The following DNAJC13 variants were observed in gnomAD, a reference collection of about 807,000 sequenced individuals.
DNAJC13 encodes DnaJ heat shock protein family (Hsp40) member C13.
In DNAJC13, 75 loss-of-function variants were observed where a neutral mutation model predicts 290.5. The observed-to-expected ratio is 0.26, with a 90% CI of 0.21 to 0.31. The LOEUF (loss-of-function observed/expected upper bound fraction) is 0.31. Among genes scored for constraint, DNAJC13 ranks in the 10% least tolerant of loss-of-function variants. The probability of loss-of-function intolerance (pLI) is 1.00; values close to 1 mark genes in which losing one functional copy is unlikely to be tolerated. For missense variants in DNAJC13, 2,260 were observed against 2,674.5 expected, an observed-to-expected ratio of 0.85 and a Z score of 3.42; for synonymous variants, 862 against 892.0, an observed-to-expected ratio of 0.97 and a Z score of 0.60.
At chr3:132,449,127 C>T (rs946371771) in intron 5 of DNAJC13, among the ~76,000 whole-genome samples, 4 of 152,144 alleles carry the variant, frequency 2.6e-5, no homozygotes, top group Admixed American at 2.6e-4. Context: ...CTCAAAGTGA[C>T]ACCTGTATTG....
chr3:132,491,176 T>C, intron 32 of DNAJC13, 125 bp downstream of exon 32: 1 of 828,260 alleles, frequency 1.2e-6, no homozygotes, highest in Non-Finnish European at 1.8e-6. Flanking sequence ...ACAGTAATCA[T>C]TGATGCCAAA....
intron 21 of DNAJC13, among the ~76,000 whole-genome samples, chr3:132,474,014 T>C (rs1461321706): frequency 6.6e-6 from 1 of 152,166 alleles, no homozygotes; most frequent in Non-Finnish European, 1.5e-5. Context: ...CCAGTTAGAC[T>C]TGTGCCCAAA....
At chr3:132,525,876 A>G (rs1936239337) in intron 52 of DNAJC13, 87 bp downstream of exon 52, 1 of 1,429,482 alleles carries the variant, frequency 7.0e-7, no homozygotes, top group Non-Finnish European at 9.4e-7. Flanking sequence ...GTATTATATA[A>G]ATCCCCTTTC....
chr3:132,448,014 C>A, intron 5 of DNAJC13, 75 bp downstream of exon 5: 1 of 1,031,204 alleles, frequency 9.7e-7, no homozygotes, highest in African/African-American at 1.6e-5. Flanking sequence ...ATTTCATAAT[C>A]TGTGTGTTCC....
Position 132,507,254 on chromosome 3 carries a change from T to C in DNAJC13, c.5016T>C (p.Thr1672=). The change falls in exon 43 of 56, where the codon ACT becomes ACC. Residue 1672 remains threonine, a synonymous_variant. Coordinates refer to ENST00000260818, the MANE Select transcript of DNAJC13 (RefSeq NM_015268.4). ...NMIKKGDCDK[T]YGSEFVYSDH... Reference sequence around the variant, plus strand: ...TTAAAAAGGGTGATTGTGACAAAACTTATGGATCAGAATTTGTCTACAGTG... The same window carrying C: ...TTAAAAAGGGTGATTGTGACAAAACCTATGGATCAGAATTTGTCTACAGTG... 6.2e-7 allele frequency: 1 copy of C among 1,610,570 alleles called. No homozygotes were observed. The highest frequency in any genetic ancestry group is 1.3e-5 in the African/African-American group (1 of 74,972).
Position 132,526,151 on chromosome 3 carries a change from G to A in DNAJC13, c.6251G>A (p.Arg2084Gln), listed in dbSNP as rs1403482671. ...HALSENELCV[R>Q]AMASLETIGP... ...CTTTTGGGCACTTAGCTGTGTGTTC[G>A]AGCCATGGCATCTTTAGAGACCATT... The change falls in exon 53 of 56, where the codon CGA (arginine) becomes CAA (glutamine). Residue 2084 changes from arginine to glutamine, a missense_variant. Transcript: ENST00000260818. 16 of 1,613,654 alleles carry A rather than the reference G, an allele frequency of 9.9e-6. No homozygotes were observed. Among genetic ancestry groups the A allele is most frequent in the African/African-American group, 4.0e-5 (3 of 74,826 alleles).
chr3:132,517,223 A>G (rs537821858), intron 48 of DNAJC13, among the ~76,000 whole-genome samples: 2 of 152,226 alleles, frequency 1.3e-5, no homozygotes, highest in Non-Finnish European at 2.9e-5. Flanking sequence ...TGCCACCCTC[A>G]GCAGTGAATT....
intron 1 of DNAJC13, among the ~76,000 whole-genome samples, chr3:132,427,398 A>G (rs1331165946): frequency 6.6e-6 from 1 of 152,132 alleles, no homozygotes; most frequent in African/African-American, 2.4e-5. Context: ...TGGCCTCCCA[A>G]AGTGCTGGGA....
chr3:132,531,955 CAGAACATTTGACACACTA>C (rs1401964086), intron 55 of DNAJC13, among the ~76,000 whole-genome samples: 1 of 152,138 alleles, frequency 6.6e-6, no homozygotes, highest in African/African-American at 2.4e-5. Context: ...GTTTAAAACT[CAGAACATTTGACACACTA>C]ATTGCATAAT....
Position 132,473,133 on chromosome 3 carries a change from T to C in DNAJC13, c.2209-12T>C. 1 of 1,601,134 alleles carries C rather than the reference T, an allele frequency of 6.2e-7. No homozygotes were observed. Among genetic ancestry groups the C allele is most frequent in the Non-Finnish European group, 8.5e-7 (1 of 1,172,788 alleles). On this transcript the variant is annotated splice_polypyrimidine_tract_variant and intron_variant, in intron 20 of 55. Coordinates refer to ENST00000260818, the MANE Select transcript of DNAJC13 (RefSeq NM_015268.4). ...CCCAGATTGAGCACTATGAAGTTTTTTTCTGTTCCAGAATATAAATCAGAA... is the reference window on the plus strand; with the variant it reads ...CCCAGATTGAGCACTATGAAGTTTTCTTCTGTTCCAGAATATAAATCAGAA...
intron 55 of DNAJC13, among the ~76,000 whole-genome samples, chr3:132,534,357 A>G (rs554708085): frequency 4.6e-5 from 7 of 152,142 alleles, no homozygotes; most frequent in African/African-American, 9.7e-5. Context: ...AGTCTGTCCT[A>G]TTTGAAAGGA....
chr3:132,504,700 A>T (rs1021876190), intron 41 of DNAJC13, among the ~76,000 whole-genome samples: 1 of 152,212 alleles, frequency 6.6e-6, no homozygotes, highest in African/African-American at 2.4e-5. Flanking sequence ...ACATTTAAGG[A>T]ATTGTGAAAT....
At chr3:132,475,783 C>T (rs1433733476) in intron 22 of DNAJC13, among the ~76,000 whole-genome samples, 1 of 152,232 alleles carries the variant, frequency 6.6e-6, no homozygotes, top group Non-Finnish European at 1.5e-5. Flanking sequence ...CTGTCTACCA[C>T]TTCTCAAGTC....
Position 132,492,490 on chromosome 3 carries a change from T to C in DNAJC13, c.3700T>C (p.Tyr1234His), listed in dbSNP as rs1935088313. 1.2e-6 allele frequency: 2 copies of C among 1,613,888 alleles called. No homozygotes were observed. The highest frequency in any genetic ancestry group is 1.7e-6 in the Non-Finnish European group (2 of 1,179,824). Residue 1234 changes from tyrosine to histidine, a missense_variant, in exon 33 of 56, where the codon TAT becomes CAT. Around this residue, in one of 3 missense-constraint regions of DNAJC13, gnomAD observed 1,494 missense variants for 1,693.7 expected, o/e 0.88. Coordinates refer to ENST00000260818, the MANE Select transcript of DNAJC13 (RefSeq NM_015268.4). Reference protein sequence around the residue: ...PRLQSNTRALYQYCPIPIINY... With the variant: ...PRLQSNTRALHQYCPIPIINY... ...TCTTCAGAGTAACACAAGAGCACTT[T>C]ATCAGTATTGCCCCATTCCTATAAT...
At chr3:132,418,893 G>T in intron 1 of DNAJC13, among the ~76,000 whole-genome samples, 1 of 152,150 alleles carries the variant, frequency 6.6e-6, no homozygotes, top group Non-Finnish European at 1.5e-5. Context: ...GTTTATGGGA[G>T]TATGAAACAG....
At chr3:132,502,089 G>A (rs1190536043) in intron 39 of DNAJC13, among the ~76,000 whole-genome samples, 200 bp from the exon 40 acceptor site, 3 of 152,120 alleles carry the variant, frequency 2.0e-5, no homozygotes, top group Admixed American at 2.0e-4. Context: ...CTGGTATCTC[G>A]TCATGAGGTC....
intron 46 of DNAJC13, 47 bp downstream of exon 46, chr3:132,514,717 T>A: frequency 7.2e-7 from 1 of 1,379,930 alleles, no homozygotes; most frequent in Non-Finnish European, 1.0e-6. Context: ...GATTAGCCCA[T>A]GGAAAGGAGT....
At chr3:132,487,967 T>A (rs990144546) in intron 29 of DNAJC13, among the ~76,000 whole-genome samples, 5 of 152,194 alleles carry the variant, frequency 3.3e-5, no homozygotes, top group Admixed American at 3.3e-4. Context: ...TCAGCTCAGC[T>A]GAGTTGAAAC....
rs374550593 is a variant in DNAJC13 at position 132,478,077 on chromosome 3, C to A, written c.2646C>A (p.Gly882=). The A allele has an allele frequency of 1.6e-5, 26 of 1,613,230 alleles. No homozygotes were observed. Among genetic ancestry groups the A allele is most frequent in the Non-Finnish European group, 2.2e-5 (26 of 1,179,722 alleles). Residue 882 remains glycine, a synonymous_variant, in exon 24 of 56, where the codon GGC becomes GGA. Coordinates refer to ENST00000260818, the MANE Select transcript of DNAJC13 (RefSeq NM_015268.4). ...TACAAGCCCTTGCTATTGTTTATGGCAGATGTCACGAAGAAATAGGACCTT... is the reference window on the plus strand; with the variant it reads ...TACAAGCCCTTGCTATTGTTTATGGAAGATGTCACGAAGAAATAGGACCTT... ...LCLQALAIVY[G]RCHEEIGPFT...
Sources: allele counts gnomAD v4.1 joint callset (sites outside exome capture counted in the v4.1 genomes callset), GRCh38; gene constraint gnomAD v4.1.1; regional missense constraint gnomAD v4.1.1; transcripts MANE v1.5; gene names NCBI Gene and HGNC (gene_info 2026-07-23, HGNC 2026-07-21).